COMMD10: variants seen among roughly 807,000 people sequenced by gnomAD.
COMMD10 encodes COMM domain-containing protein 10.
COMMD10 carries 33 observed loss-of-function variants against 28.9 expected under a neutral mutation model. The ratio of observed to expected loss-of-function variants is 1.14; its 90% CI spans 0.87 to 1.53. The LOEUF (loss-of-function observed/expected upper bound fraction) is 1.53. COMMD10 is among the 40% of genes most tolerant of loss of function. The pLI, the probability that COMMD10 is intolerant of heterozygous loss-of-function variation, is 0.00. For synonymous variants in COMMD10, 110 were observed against 81.7 expected (o/e 1.35, Z -1.87); for missense variants, 310 against 233.4 (o/e 1.33, Z -2.14).
At chr5:116,154,718 A>G (rs1437612435) in intron 5 of COMMD10, among the ~76,000 whole-genome samples, 1 of 152,042 alleles carries the variant, frequency 6.6e-6, no homozygotes, top group Non-Finnish European at 1.5e-5. Context: ...GCCAGCCTTG[A>G]CCACAGAACT....
intron 5 of COMMD10, among the ~76,000 whole-genome samples, chr5:116,143,431 A>G (rs565527012): frequency 3.9e-5 from 6 of 151,902 alleles, no homozygotes; most frequent in African/African-American, 1.4e-4. Flanking sequence ...CAAACATTTT[A>G]GGCAATTTAG....
intron 5 of COMMD10, among the ~76,000 whole-genome samples, chr5:116,144,773 C>G (rs371052777): frequency 6.6e-6 from 1 of 151,550 alleles, no homozygotes. Flanking sequence ...GATAAACTGA[C>G]GAAAGAATAT....
chr5:116,109,347 G>T (rs2112734174), intron 4 of COMMD10, among the ~76,000 whole-genome samples: 1 of 152,306 alleles, frequency 6.6e-6, no homozygotes, highest in South Asian at 2.1e-4. Flanking sequence ...ACTTTGAGAG[G>T]CTGAGGTGGG....
At chr5:116,228,449 C>G (rs902977976) in intron 5 of COMMD10, among the ~76,000 whole-genome samples, 1 of 151,882 alleles carries the variant, frequency 6.6e-6, no homozygotes, top group Non-Finnish European at 1.5e-5. Context: ...GAAAGTACCA[C>G]ATTTATCACT....
intron 1 of COMMD10, among the ~76,000 whole-genome samples, chr5:116,086,739 G>T (rs1314945871): frequency 6.6e-6 from 1 of 152,144 alleles, no homozygotes; most frequent in East Asian, 1.9e-4. Context: ...GGATTATAGG[G>T]GTGAGCCACT....
chr5:116,176,579 G>A (rs906730484), intron 5 of COMMD10, among the ~76,000 whole-genome samples: 4 of 151,886 alleles, frequency 2.6e-5, no homozygotes, highest in African/African-American at 7.3e-5. Context: ...TTTCCTATAT[G>A]TTTTACTTTC....
Position 116,203,086 on chromosome 5 carries a change from G to A in COMMD10, c.510+68908G>A, listed in dbSNP as rs189266638. On this transcript the variant is annotated intron_variant, in intron 5 of 6. Transcript: ENST00000274458. ...GTATAAGGTGTAAGGAAGGGATCCA[G>A]TTTCAGCTTTCTACATATGGCTAGC... Among the ~76,000 whole-genome samples the A allele has an allele frequency of 3.3e-4, 50 of 152,106 alleles. No homozygotes were observed. The East Asian group carries it at 7.9e-3, about 24-fold the overall frequency.
At chr5:116,277,939 C>T in intron 5 of COMMD10, among the ~76,000 whole-genome samples, 1 of 151,810 alleles carries the variant, frequency 6.6e-6, no homozygotes, top group East Asian at 1.9e-4. Context: ...CTAATGCAGT[C>T]ATTTTATAAA....
chr5:116,232,953 T>C (rs1749565749), intron 5 of COMMD10, among the ~76,000 whole-genome samples: 2 of 152,202 alleles, frequency 1.3e-5, no homozygotes, highest in Admixed American at 6.5e-5. Context: ...TGTAATTCTA[T>C]GCTCTTACCC....
intron 5 of COMMD10, among the ~76,000 whole-genome samples, chr5:116,289,360 C>T (rs969824350): frequency 6.6e-6 from 1 of 151,868 alleles, no homozygotes; most frequent in Non-Finnish European, 1.5e-5. Context: ...TGAAAGACAA[C>T]TACCTCCCCT....
chr5:116,250,307 GTTAT>G (rs1750072985), intron 5 of COMMD10, among the ~76,000 whole-genome samples: 1 of 151,682 alleles, frequency 6.6e-6, no homozygotes, highest in Non-Finnish European at 1.5e-5. Context: ...ATAATAACGT[GTTAT>G]CTTTCAGGTA....
At chr5:116,111,136 A>G (rs1751028886) in intron 4 of COMMD10, among the ~76,000 whole-genome samples, 1 of 151,784 alleles carries the variant, frequency 6.6e-6, no homozygotes, top group Non-Finnish European at 1.5e-5. Flanking sequence ...CTCCATTTTG[A>G]TTTCTTATTA....
chr5:116,204,186 C>G (rs1189866883), intron 5 of COMMD10, among the ~76,000 whole-genome samples: 1 of 152,138 alleles, frequency 6.6e-6, no homozygotes, highest in Non-Finnish European at 1.5e-5. Flanking sequence ...ACAAGAAGAG[C>G]TATCTATCCT....
At chr5:116,256,196 T>C (rs1053974952) in intron 5 of COMMD10, among the ~76,000 whole-genome samples, 5 of 151,686 alleles carry the variant, frequency 3.3e-5, no homozygotes, top group Non-Finnish European at 7.4e-5. Flanking sequence ...ATCTACAGTA[T>C]AATGAGAGTT....
intron 4 of COMMD10, among the ~76,000 whole-genome samples, chr5:116,118,796 A>G (rs985512842): frequency 6.6e-6 from 1 of 152,220 alleles, no homozygotes; most frequent in Non-Finnish European, 1.5e-5. Flanking sequence ...GCAGAAATCA[A>G]TTTAAAAATC....
chr5:116,179,945 G>A (rs1382891328), intron 5 of COMMD10, among the ~76,000 whole-genome samples: 1 of 152,020 alleles, frequency 6.6e-6, no homozygotes, highest in Non-Finnish European at 1.5e-5. Flanking sequence ...AGTGTAGCAA[G>A]CAGAATGCTA....
At chr5:116,232,472 G>A (rs1458256088) in intron 5 of COMMD10, among the ~76,000 whole-genome samples, 3 of 152,042 alleles carry the variant, frequency 2.0e-5, no homozygotes, top group Admixed American at 2.0e-4. Flanking sequence ...AAAGGACCTC[G>A]GCATAAGTGT....
At chr5:116,107,819 T>C (rs1750893134) in intron 4 of COMMD10, among the ~76,000 whole-genome samples, 1 of 152,234 alleles carries the variant, frequency 6.6e-6, no homozygotes, top group Non-Finnish European at 1.5e-5. Flanking sequence ...TTTGTGGATT[T>C]ATCTACCTTT....
chr5:116,268,647 C>G (rs191146336), intron 5 of COMMD10, among the ~76,000 whole-genome samples: 1 of 151,804 alleles, frequency 6.6e-6, no homozygotes, highest in African/African-American at 2.4e-5. Context: ...AAGACACACA[C>G]ATATGTTTAT....
Sources: gnomAD v4.1 joint callset for allele counts (sites outside exome capture counted in the v4.1 genomes callset) on GRCh38, gnomAD v4.1.1 for gene constraint, MANE v1.5 for transcripts, NCBI Gene and HGNC (gene_info 2026-07-23, HGNC 2026-07-21) for gene names.